The following TEP1 variants were observed in gnomAD, a reference collection of about 807,000 sequenced individuals.
The protein encoded by TEP1 is telomerase protein component 1.
A neutral mutation model predicts 306.3 loss-of-function variants in TEP1; 241 were observed. The observed-to-expected ratio is 0.79, with a 90% confidence interval of 0.71 to 0.88. TEP1 has a LOEUF of 0.88. Ranked by LOEUF, TEP1 falls within the 40% of genes least tolerant of loss-of-function variation. The pLI, the probability that TEP1 is intolerant of heterozygous loss-of-function variation, is 0.00. For synonymous variants in TEP1, 1,289 were observed against 1,305.5 expected (o/e 0.99, Z 0.27); for missense variants, 3,051 against 3,276.1 (o/e 0.93, Z 1.68).
chr14:20,371,185 G>T, intron 51 of TEP1, 33 bp downstream of exon 51: 1 of 1,585,008 alleles, frequency 6.3e-7, no homozygotes, highest in Non-Finnish European at 8.7e-7. Context: ...CTAGACGAAT[G>T]TTTGCTTTAG....
chr14:20,391,838 G>C, intron 12 of TEP1, 71 bp from the exon 13 acceptor site: 2 of 1,547,118 alleles, frequency 1.3e-6, no homozygotes, highest in Non-Finnish European at 1.8e-6. Context: ...ACGGGGAGAT[G>C]AGAAGTTGCC....
At chr14:20,377,904 G>T in intron 39 of TEP1, 120 bp downstream of exon 39, 1 of 1,463,884 alleles carries the variant, frequency 6.8e-7, no homozygotes, top group Non-Finnish European at 9.4e-7. Context: ...CTCTCCCCGT[G>T]GTTCCTGCAA....
rs1877641726 is a variant in TEP1, at chr14:20,390,822, G to T, written c.2257-64C>A. 3 of 1,613,052 alleles carry T rather than the reference G, an allele frequency of 1.9e-6. No individual in the cohort carries two copies. The African/African-American group carries it at 4.0e-5, about 22-fold the overall frequency. On this transcript the variant is annotated intron_variant, in intron 14 of 54. Transcript: ENST00000262715. Reference sequence around the variant, plus strand: ...AAGCGACAAACACTGCAGTCTTGCAGTCTGCTTGGGAAATCTTCAGAACTG... The same window carrying T: ...AAGCGACAAACACTGCAGTCTTGCATTCTGCTTGGGAAATCTTCAGAACTG...
chr14:20,372,927 C>T (rs893795925), intron 48 of TEP1, 70 bp from the exon 49 acceptor site: 6 of 1,613,142 alleles, frequency 3.7e-6, no homozygotes, highest in Admixed American at 1.7e-5. Flanking sequence ...CCCTCCCAGG[C>T]ACATATGCAA....
At chr14:20,379,172 G>A (rs924227230) in intron 35 of TEP1, 67 bp from the exon 36 acceptor site, 2 of 1,570,368 alleles carry the variant, frequency 1.3e-6, no homozygotes, top group Non-Finnish European at 8.6e-7. Context: ...CACCACTCCA[G>A]GCCCCACCCA....
At position 20,369,720 on chromosome 14, in the gene TEP1, A is replaced by C; in HGVS notation, c.7377T>G (p.Asn2459Lys). 6.2e-7 allele frequency: 1 copy of C among 1,614,106 alleles called. No individual in the cohort carries two copies. The highest frequency in any genetic ancestry group is 1.7e-5 in the Admixed American group (1 of 60,010). ...TTATCGATATTAGGGTCCTACTAGGATTCTCTAAGTTTATATCAAAGTTCA... is the reference window on the plus strand; with the variant it reads ...TTATCGATATTAGGGTCCTACTAGGCTTCTCTAAGTTTATATCAAAGTTCA... The part of the protein sequence containing the change: ...ERLNFDINLE[N>K]PSRTLISITQ... The change falls in exon 52 of 55, where the codon AAT becomes AAG. Residue 2459 changes from asparagine to lysine, a missense_variant. Asn to Lys is a moderately conservative substitution (Grantham distance 94). Around this residue, in one of 3 missense-constraint regions of TEP1, gnomAD observed 1,540 missense variants for 1,705.9 expected, o/e 0.90. Transcript: ENST00000262715.
At chr14:20,372,051 C>CCAACTTTTATAA in intron 49 of TEP1, among the ~76,000 whole-genome samples, 1 of 152,242 alleles carries the variant, frequency 6.6e-6, no homozygotes, top group East Asian at 1.9e-4. Flanking sequence ...ATACTGCCAC[C>CCAACTTTTATAA]AGTTCTCTTT....
chr14:20,382,482 G>C, intron 28 of TEP1, 126 bp from the exon 29 acceptor site: 1 of 1,528,986 alleles, frequency 6.5e-7, no homozygotes, highest in South Asian at 1.2e-5. Context: ...AACAGTAGGA[G>C]GGAAGTGAGG....
intron 10 of TEP1, among the ~76,000 whole-genome samples, chr14:20,396,414 T>C (rs1360404194): frequency 2.6e-5 from 4 of 152,272 alleles, no homozygotes; most frequent in African/African-American, 9.6e-5. Flanking sequence ...TACTCTACTG[T>C]AACTTCTCAA....
Position 20,376,236 on chromosome 14 carries a change from C to G in TEP1, c.6117G>C (p.Arg2039Ser). Residue 2039 changes from arginine (R) to serine (S), a missense_variant, in exon 42 of 55, where the codon AGG becomes AGC. Arg to Ser is a moderately radical substitution (Grantham distance 110). Coordinates refer to ENST00000262715, the MANE Select transcript of TEP1 (RefSeq NM_007110.5). ...SEDFTVQLWPRQLLTRPHKAE... is the reference protein window; with the variant it reads ...SEDFTVQLWPSQLLTRPHKAE... ...CCTTGTGTGGCCGCGTCAGCAGCTGCCTTGGCCACAGCTGCACTGTGAAAT... is the reference window on the plus strand; with the variant it reads ...CCTTGTGTGGCCGCGTCAGCAGCTGGCTTGGCCACAGCTGCACTGTGAAAT... The G allele has an allele frequency of 1.2e-6, 2 of 1,614,100 alleles. No homozygotes were observed. Among genetic ancestry groups the G allele is most frequent in the South Asian group, 1.1e-5 (1 of 91,082 alleles).
At position 20,375,911 on chromosome 14, in the gene TEP1, AG is replaced by A. The variant is rs763924150; in HGVS notation, c.6250-44del. ...AGAGGGAGCAATCAGGACCAAAGGA[AG>A]GATGGGAACCCCGGAGCCATTTCAG... On this transcript the variant is annotated intron_variant, in intron 42 of 54. Coordinates refer to ENST00000262715, the MANE Select transcript of TEP1 (RefSeq NM_007110.5). 3 of 1,550,624 alleles carry A rather than the reference AG, an allele frequency of 1.9e-6. No individual in the cohort carries two copies. In the East Asian group the frequency reaches 6.7e-5, roughly 35 times the overall value.
Position 20,382,213 on chromosome 14 carries a change from C to A in TEP1, c.4273+11G>T. 1 of 1,614,150 alleles carries A rather than the reference C, an allele frequency of 6.2e-7. No homozygotes were observed. Among genetic ancestry groups the A allele is most frequent in the South Asian group, 1.1e-5 (1 of 91,082 alleles). On this transcript the variant is annotated intron_variant, in intron 29 of 54. Coordinates refer to ENST00000262715, the MANE Select transcript of TEP1 (RefSeq NM_007110.5). ...CCTCAGCCTCCCAACCAACCCACCC[C>A]AAGCACTGACCACTCCGTGTGACTT...
In TEP1 at chr14:20,384,040, G is replaced by C; in HGVS notation, c.3532C>G (p.Leu1178Val). 1 of 1,602,768 alleles carries C rather than the reference G, an allele frequency of 6.2e-7. No individual in the cohort carries two copies. Reference protein sequence around the residue: ...GQSGQGKTAFLASLVSALQAP... With the variant: ...GQSGQGKTAFVASLVSALQAP... Reference sequence around the variant, plus strand: ...CCCAGGCCCCTGAGACTCTGTACCAGGAAGGCTGTCTTGCCCTGTCCTGAC... The same window carrying C: ...CCCAGGCCCCTGAGACTCTGTACCACGAAGGCTGTCTTGCCCTGTCCTGAC... Residue 1178 changes from leucine (L) to valine (V), a missense_variant and splice_region_variant, in exon 24 of 55, where the codon CTG (leucine) becomes GTG (valine). By Grantham distance (32) the Leu-to-Val change is conservative. Transcript: ENST00000262715.
chr14:20,395,479 C>T lies in TEP1; in HGVS notation c.1899G>A (p.Lys633=). The change falls in exon 12 of 55, where the codon AAG becomes AAA. Residue 633 remains lysine, a synonymous_variant. Coordinates refer to ENST00000262715, the MANE Select transcript of TEP1 (RefSeq NM_007110.5). ...CCTTGTGTACTCTCAGCTTCTCCCT[C>T]TTGAGCTGCTCATACAACACAGGTA... ...MRIPVLYEQL[K]REKLRVHKAR... is the part of the protein sequence containing the mutation. The T allele has an allele frequency of 1.9e-6, 3 of 1,607,962 alleles. No individual in the cohort carries two copies. The highest frequency in any genetic ancestry group is 2.6e-6 in the Non-Finnish European group (3 of 1,175,464).
At position 20,366,151 on chromosome 14, in the gene TEP1, C is replaced by CA. The variant is rs1884463945; in HGVS notation, c.*2285dup. ...CTCACTGTCCTTCTCCAAGATGAAA[C>CA]AAAAAACCCTTCAAGTGGGCCTGGC... On this transcript the variant is annotated 3_prime_UTR_variant, in exon 55 of 55. Coordinates refer to ENST00000262715, the MANE Select transcript of TEP1 (RefSeq NM_007110.5). The CA allele has an allele frequency of 6.6e-6, 1 of 152,164 alleles. No homozygotes were observed. Among genetic ancestry groups the CA allele is most frequent in the African/African-American group, 2.4e-5 (1 of 41,428 alleles). 9.4% of individuals were successfully genotyped at this position (152,164 alleles called of 1,614,324 possible).
chr14:20,391,977 C>A (rs1024294957), intron 12 of TEP1, among the ~76,000 whole-genome samples: 4 of 152,176 alleles, frequency 2.6e-5, no homozygotes, highest in African/African-American at 9.7e-5. Context: ...CTAATCCACA[C>A]TCATGGTAGG....
At chr14:20,396,876 C>A in intron 9 of TEP1, 146 bp from the exon 10 acceptor site, 1 of 467,090 alleles carries the variant, frequency 2.1e-6, no homozygotes, top group Non-Finnish European at 3.8e-6. Context: ...GCCTGGGCAA[C>A]ATAGCAAGAC....
chr14:20,390,848 T>G (rs752931941), intron 14 of TEP1, 90 bp from the exon 15 acceptor site: 7 of 1,611,884 alleles, frequency 4.3e-6, no homozygotes, highest in Non-Finnish European at 5.9e-6. Flanking sequence ...TTCAGAACTG[T>G]GTATTGTCTG....
intron 27 of TEP1, 39 bp from the exon 28 acceptor site, chr14:20,382,754 C>T: frequency 6.3e-7 from 1 of 1,598,808 alleles, no homozygotes; most frequent in Non-Finnish European, 8.6e-7. Flanking sequence ...TCCAGGAGGG[C>T]TGCCCGCAGC....
Sources: gnomAD v4.1 joint callset for allele counts (sites outside exome capture counted in the v4.1 genomes callset) on GRCh38, gnomAD v4.1.1 for gene constraint, gnomAD v4.1.1 regional missense constraint, MANE v1.5 for transcripts, NCBI Gene and HGNC (gene_info 2026-07-23, HGNC 2026-07-21) for gene names.